SNTB2: variants seen among roughly 807,000 people sequenced by gnomAD.
SNTB2 encodes beta-2-syntrophin.
In SNTB2, 34 loss-of-function variants were observed where a neutral mutation model predicts 46.2. The observed-to-expected ratio is 0.74, with a 90% CI of 0.56 to 0.98. The LOEUF is 0.98. Among genes scored for constraint, SNTB2 ranks in the 50% least tolerant of loss-of-function variants. SNTB2 has a pLI of 0.00. For synonymous variants in SNTB2, 290 were observed against 312.6 expected, an observed-to-expected ratio of 0.93 and a Z score of 0.76; for missense variants, 603 against 731.4, an observed-to-expected ratio of 0.82 and a Z score of 2.02.
chr16:69,225,514 A>AT (rs1255518971), intron 1 of SNTB2, among the ~76,000 whole-genome samples: 1 of 152,056 alleles, frequency 6.6e-6, no homozygotes, highest in East Asian at 1.9e-4. Context: ...GTATTTTTAT[A>AT]TTTTTCAGTG....
chr16:69,229,463 G>A lies in SNTB2; in HGVS notation c.581-16139G>A, dbSNP rs955120318. ...GGGATTACAGGTGTGAGCCACTGTG[G>A]CCTGCCTGAATTTTTTTTTTTTTTT... On this transcript the variant is annotated intron_variant, in intron 1 of 6. Transcript: ENST00000336278. Among the ~76,000 whole-genome samples, 4 of 149,564 alleles carry A rather than the reference G, an allele frequency of 2.7e-5. No homozygotes were observed. In the East Asian group the frequency reaches 5.9e-4, roughly 22 times the overall value.
intron 1 of SNTB2, among the ~76,000 whole-genome samples, chr16:69,206,201 T>C (rs996133842): frequency 3.3e-5 from 5 of 152,120 alleles, no homozygotes; most frequent in African/African-American, 9.7e-5. Flanking sequence ...GTTCTCACTA[T>C]GTTGCCTAGG....
chr16:69,196,433 G>A (rs1330223778), intron 1 of SNTB2, among the ~76,000 whole-genome samples: 2 of 148,564 alleles, frequency 1.3e-5, no homozygotes, highest in Non-Finnish European at 3.0e-5. Context: ...GGAGTGTAGT[G>A]GTGTGATCTC....
chr16:69,292,401 TA>T lies in SNTB2; in HGVS notation c.1346-7188del, dbSNP rs1196076614. On this transcript the variant is annotated intron_variant, in intron 5 of 6. Transcript: ENST00000336278. ...ATATTATATATATATTATATATATA[TA>T]TATATTATATATATATTATATATAT... is the stretch of plus-strand genomic sequence containing the variant. 2.1e-3 allele frequency among the ~76,000 whole-genome samples: 52 copies of T among 24,866 alleles called. 5 individuals are homozygous for T. The highest frequency in any genetic ancestry group is 0.013 in the African/African-American group (30 of 2,274). The allele number at this position is 24,866 out of a possible 152,430, so 16.3% of individuals were successfully genotyped here. A position where few individuals can be genotyped will look rare whatever the true frequency, so the allele number is the denominator to read the frequency against.
At chr16:69,232,217 T>C (rs1040701307) in intron 1 of SNTB2, among the ~76,000 whole-genome samples, 1 of 150,850 alleles carries the variant, frequency 6.6e-6, no homozygotes, top group Non-Finnish European at 1.5e-5. Context: ...TCTTTTTTTT[T>C]TTTTTTGAGA....
chr16:69,219,004 A>G (rs1278837949), intron 1 of SNTB2, among the ~76,000 whole-genome samples: 1 of 152,224 alleles, frequency 6.6e-6, no homozygotes, highest in Non-Finnish European at 1.5e-5. Flanking sequence ...CTTGTTGGCC[A>G]TAACTAGTGG....
chr16:69,269,683 T>G (rs1475219066), intron 3 of SNTB2, among the ~76,000 whole-genome samples: 1 of 152,228 alleles, frequency 6.6e-6, no homozygotes, highest in African/African-American at 2.4e-5. Context: ...TTATACATAC[T>G]TATTTGGTAG....
intron 5 of SNTB2, among the ~76,000 whole-genome samples, chr16:69,292,242 AATAAAT>A (rs1965166212): frequency 6.7e-6 from 1 of 149,218 alleles, no homozygotes; most frequent in South Asian, 2.1e-4. Context: ...GTCTCAAAAA[AATAAAT>A]ATAAATACAT....
chr16:69,227,706 C>G (rs1422070002), intron 1 of SNTB2, among the ~76,000 whole-genome samples: 2 of 152,320 alleles, frequency 1.3e-5, no homozygotes, highest in East Asian at 3.9e-4. Flanking sequence ...AAAACAAAAA[C>G]TGTGACATAT....
intron 3 of SNTB2, among the ~76,000 whole-genome samples, chr16:69,268,064 A>G (rs1009791647): frequency 6.6e-6 from 1 of 152,202 alleles, no homozygotes; most frequent in African/African-American, 2.4e-5. Context: ...CCTTGACAAT[A>G]TGGATAAATA....
At chr16:69,212,344 T>G (rs1191670491) in intron 1 of SNTB2, among the ~76,000 whole-genome samples, 1 of 151,878 alleles carries the variant, frequency 6.6e-6, no homozygotes, top group Non-Finnish European at 1.5e-5. Flanking sequence ...ATTTATTTAT[T>G]TATTTATTTA....
chr16:69,227,774 A>G (rs1964472745), intron 1 of SNTB2, among the ~76,000 whole-genome samples: 2 of 150,832 alleles, frequency 1.3e-5, no homozygotes, highest in South Asian at 4.2e-4. Flanking sequence ...GAGGAAGGTT[A>G]TATTCTATAA....
At chr16:69,236,405 G>A (rs961725429) in intron 1 of SNTB2, among the ~76,000 whole-genome samples, 1 of 152,094 alleles carries the variant, frequency 6.6e-6, no homozygotes, top group Non-Finnish European at 1.5e-5. Context: ...AGATACAAAG[G>A]GACAACTATT....
intron 3 of SNTB2, among the ~76,000 whole-genome samples, chr16:69,267,080 T>TG (rs1264108482): frequency 6.6e-6 from 1 of 151,570 alleles, no homozygotes; most frequent in Non-Finnish European, 1.5e-5. Flanking sequence ...CAGGCTGGAG[T>TG]GCAGTGGCGC....
At chr16:69,292,605 C>G (rs891569433) in intron 5 of SNTB2, among the ~76,000 whole-genome samples, 5 of 119,602 alleles carry the variant, frequency 4.2e-5, no homozygotes, top group African/African-American at 5.5e-5. Flanking sequence ...CCATGCCCAG[C>G]TAATTTTTTT....
At chr16:69,193,572 G>A (rs1037142133) in intron 1 of SNTB2, among the ~76,000 whole-genome samples, 1 of 151,292 alleles carries the variant, frequency 6.6e-6, no homozygotes, top group Non-Finnish European at 1.5e-5. Flanking sequence ...CAGGTGATCC[G>A]CCTGCCTCGG....
At chr16:69,281,073 G>C (rs1304639709) in intron 4 of SNTB2, among the ~76,000 whole-genome samples, 1 of 152,162 alleles carries the variant, frequency 6.6e-6, no homozygotes, top group Non-Finnish European at 1.5e-5. Flanking sequence ...GGGATTACAG[G>C]CATGAGCCAC....
At position 69,259,447 on chromosome 16, in the gene SNTB2, C is replaced by T. The variant is rs1469884146; in HGVS notation, c.795-603C>T. Reference sequence around the variant, plus strand: ...TCAAGGTTTCACTGTGTTGGCCAGACTGGCCTCAAACTCCTGACCTCAGGC... The same window carrying T: ...TCAAGGTTTCACTGTGTTGGCCAGATTGGCCTCAAACTCCTGACCTCAGGC... On this transcript the variant is annotated intron_variant, in intron 2 of 6. Coordinates refer to ENST00000336278, the MANE Select transcript of SNTB2 (RefSeq NM_006750.4). 3.3e-5 allele frequency among the ~76,000 whole-genome samples: 5 copies of T among 151,518 alleles called. No homozygotes were observed. In the East Asian group the frequency reaches 9.7e-4, roughly 29 times the overall value.
At chr16:69,208,839 C>CA (rs71148972) in intron 1 of SNTB2, among the ~76,000 whole-genome samples, 142 of 139,826 alleles carry the variant, frequency 1.0e-3, no homozygotes, top group East Asian at 8.2e-3. Flanking sequence ...ACTAAAAATA[C>CA]AAAAAAAAAA....
Sources: allele counts gnomAD v4.1 joint callset (sites outside exome capture counted in the v4.1 genomes callset), GRCh38; gene constraint gnomAD v4.1.1; transcripts MANE v1.5; gene names NCBI Gene and HGNC (gene_info 2026-07-23, HGNC 2026-07-21).